The following SACM1L variants were observed in gnomAD, a reference collection of about 807,000 sequenced individuals.
SACM1L encodes the protein phosphatidylinositol-3-phosphatase SAC1.
Under a neutral mutation model 89.5 loss-of-function variants are expected in SACM1L, and 32 were observed. The observed-to-expected ratio is 0.36, with a 90% confidence interval of 0.27 to 0.48. The LOEUF (loss-of-function observed/expected upper bound fraction) is 0.48, where lower values mean the gene tolerates loss of function less well. SACM1L is among the 20% of genes least tolerant of loss of function. The pLI is 0.99. For synonymous variants in SACM1L, 213 were observed against 232.8 expected, an observed-to-expected ratio of 0.92 and a Z score of 0.77; for missense variants, 543 against 708.5, an observed-to-expected ratio of 0.77 and a Z score of 2.65.
chr3:45,707,022 A>G (rs1469020307), intron 4 of SACM1L, 115 bp downstream of exon 4: 3 of 909,530 alleles, frequency 3.3e-6, no homozygotes, highest in African/African-American at 3.4e-5. Context: ...TTAACAACCT[A>G]TAGAGTAAGA....
intron 5 of SACM1L, among the ~76,000 whole-genome samples, 200 bp from the exon 6 acceptor site, chr3:45,712,937 A>G (rs190634870): frequency 6.6e-6 from 1 of 152,324 alleles, no homozygotes; most frequent in Admixed American, 6.5e-5. Context: ...AACTCCTCCC[A>G]GGTTTCTGTC....
intron 1 of SACM1L, among the ~76,000 whole-genome samples, chr3:45,697,128 G>T (rs886512360): frequency 6.6e-6 from 1 of 151,896 alleles, no homozygotes; most frequent in Non-Finnish European, 1.5e-5. Context: ...CAGTCAAAAA[G>T]GAGGAAGCAA....
At chr3:45,700,085 T>G (rs928995683) in intron 1 of SACM1L, among the ~76,000 whole-genome samples, 8 of 152,134 alleles carry the variant, frequency 5.3e-5, no homozygotes, top group Admixed American at 1.3e-4. Flanking sequence ...GTGGTCAGAG[T>G]GTAGGAAGGG....
intron 14 of SACM1L, 131 bp downstream of exon 14, chr3:45,735,504 C>G: frequency 1.2e-6 from 1 of 850,330 alleles, no homozygotes; most frequent in Non-Finnish European, 1.7e-6. Context: ...TGTGTCTTGC[C>G]CATGGATGTC....
Position 45,703,515 on chromosome 3 carries a change from C to G in SACM1L, c.110C>G (p.Ser37Cys). ...ADDVLTIDRV[S>C]TEVTLAVKKD... is the part of the protein sequence containing the mutation. ...GACGTACTTACCATTGACCGTGTGT[C>G]CACAGAGGTTACCCTTGCAGGTATT... Residue 37 changes from serine to cysteine, a missense_variant, in exon 2 of 20, where the codon TCC becomes TGC. Physicochemically the swap from Ser to Cys is moderately radical, Grantham distance 112 (BLOSUM62 -1). Around this residue, in one of 2 missense-constraint regions of SACM1L, gnomAD observed 173 missense variants for 180.9 expected, o/e 0.96. Coordinates refer to ENST00000389061, the MANE Select transcript of SACM1L (RefSeq NM_014016.5). The G allele has an allele frequency of 6.2e-7, 1 of 1,611,784 alleles. No homozygotes were observed. Among genetic ancestry groups the G allele is most frequent in the East Asian group, 2.2e-5 (1 of 44,804 alleles).
At chr3:45,700,524 AC>A (rs952823900) in intron 1 of SACM1L, among the ~76,000 whole-genome samples, 9 of 152,228 alleles carry the variant, frequency 5.9e-5, no homozygotes, top group Non-Finnish European at 1.3e-4. Flanking sequence ...GGGTAAAAAA[AC>A]AATGTTAAAA....
In SACM1L at chr3:45,719,493, GGTTAA is replaced by G. The variant is rs762238922; in HGVS notation, c.578-2_580del. 15 of 1,491,042 alleles carry G rather than the reference GGTTAA, an allele frequency of 1.0e-5. No individual in the cohort carries two copies. Among genetic ancestry groups the G allele is most frequent in the African/African-American group, 2.8e-5 (2 of 71,750 alleles). The allele number at this position is 1,491,042 out of a possible 1,614,324, so 92.4% of individuals were successfully genotyped here. ...TTATATGTTATATTTTTCTTAATGT[GGTTAA>G]GTTATTACCATGCATTCATGTTCTA... On this transcript the variant is annotated splice_acceptor_variant and splice_polypyrimidine_tract_variant and intron_variant, in intron 7 of 19. Transcript: ENST00000389061. LOFTEE classifies it high-confidence loss of function.
chr3:45,696,285 CTG>C (rs1451783065), intron 1 of SACM1L, among the ~76,000 whole-genome samples: 1 of 152,188 alleles, frequency 6.6e-6, no homozygotes, highest in East Asian at 1.9e-4. Flanking sequence ...GCCTGAGCCA[CTG>C]TGCCTGGCCC....
intron 7 of SACM1L, among the ~76,000 whole-genome samples, chr3:45,715,337 TAAAG>T (rs1299489246): frequency 2.6e-5 from 4 of 152,282 alleles, no homozygotes; most frequent in African/African-American, 9.6e-5. Flanking sequence ...TTGTTATACT[TAAAG>T]AAAACCCAAA....
chr3:45,736,349 GA>G (rs1403687063), intron 14 of SACM1L, among the ~76,000 whole-genome samples: 1 of 152,170 alleles, frequency 6.6e-6, no homozygotes, highest in African/African-American at 2.4e-5. Flanking sequence ...TATTTGGAAT[GA>G]AAAAGATGTA....
At chr3:45,713,067 G>C in intron 5 of SACM1L, 70 bp from the exon 6 acceptor site, 1 of 1,249,422 alleles carries the variant, frequency 8.0e-7, no homozygotes, top group South Asian at 1.3e-5. Context: ...ACATTGATTG[G>C]TGTAGTTTTC....
At chr3:45,709,829 C>T (rs1698480409) in intron 5 of SACM1L, among the ~76,000 whole-genome samples, 182 bp downstream of exon 5, 1 of 152,168 alleles carries the variant, frequency 6.6e-6, no homozygotes, top group Non-Finnish European at 1.5e-5. Context: ...GTCCTTGAAT[C>T]TGTGTATATA....
intron 4 of SACM1L, 199 bp downstream of exon 4, chr3:45,707,106 T>A (rs1041429257): frequency 3.0e-5 from 14 of 466,706 alleles, no homozygotes; most frequent in African/African-American, 4.1e-5. Flanking sequence ...TTTTTTTTTT[T>A]TAAAGATTCA....
chr3:45,708,024 TA>T (rs1698437162), intron 4 of SACM1L, among the ~76,000 whole-genome samples: 1 of 152,084 alleles, frequency 6.6e-6, no homozygotes, highest in Non-Finnish European at 1.5e-5. Context: ...AAGTTACATC[TA>T]CAACGTAACT....
intron 14 of SACM1L, among the ~76,000 whole-genome samples, chr3:45,735,602 G>A (rs1248097437): frequency 2.0e-5 from 3 of 151,952 alleles, no homozygotes; most frequent in Admixed American, 6.6e-5. Context: ...ACAGTTTCTG[G>A]TGGTTGTATT....
intron 5 of SACM1L, among the ~76,000 whole-genome samples, chr3:45,711,339 A>G (rs1698523813): frequency 6.6e-6 from 1 of 152,068 alleles, no homozygotes; most frequent in Admixed American, 6.6e-5. Flanking sequence ...AGCTAAACAG[A>G]AAGTTAGCCA....
intron 1 of SACM1L, among the ~76,000 whole-genome samples, chr3:45,693,438 G>A (rs1358571613): frequency 3.3e-5 from 5 of 152,202 alleles, no homozygotes; most frequent in African/African-American, 1.2e-4. Flanking sequence ...GGGTAATTTG[G>A]AATGTATCGT....
chr3:45,735,393 T>TC lies in SACM1L; in HGVS notation c.1239+20_1239+21insC, dbSNP rs1453864146. On this transcript the variant is annotated intron_variant, in intron 14 of 19. Transcript: ENST00000389061. Reference sequence around the variant, plus strand: ...CTTCAGGTGCGAATGCTTTTTTTTTTTTTAATTGAAAAACAACACAGCAAA... The same window carrying TC: ...CTTCAGGTGCGAATGCTTTTTTTTTTCTTTAATTGAAAAACAACACAGCAAA... 3.4e-6 allele frequency: 5 copies of TC among 1,484,288 alleles called. No individual in the cohort carries two copies. The African/African-American group carries it at 7.1e-5, about 21-fold the overall frequency. The allele number at this position is 1,484,288 out of a possible 1,614,324, so 91.9% of individuals were successfully genotyped here.
At chr3:45,708,534 A>T (rs997209531) in intron 4 of SACM1L, among the ~76,000 whole-genome samples, 5 of 152,056 alleles carry the variant, frequency 3.3e-5, no homozygotes, top group African/African-American at 1.2e-4. Flanking sequence ...CTACCTGAGT[A>T]AAACTACAGG....
Sources: gnomAD v4.1 joint callset for allele counts (sites outside exome capture counted in the v4.1 genomes callset) on GRCh38, gnomAD v4.1.1 for gene constraint, gnomAD v4.1.1 regional missense constraint, MANE v1.5 for transcripts, NCBI Gene and HGNC (gene_info 2026-07-23, HGNC 2026-07-21) for gene names.